Variants in IL1RAPL2 observed in about 807,000 individuals in gnomAD.
IL1RAPL2 encodes the protein interleukin 1 receptor accessory protein like 2.
IL1RAPL2 carries 3 observed loss-of-function variants against 44.1 expected under a neutral mutation model. The observed-to-expected ratio is 0.07, with a 90% confidence interval of 0.03 to 0.18. The LOEUF (loss-of-function observed/expected upper bound fraction) is 0.18. IL1RAPL2 is among the 10% of genes least tolerant of loss of function. The pLI is 1.00. For missense variants in IL1RAPL2, 391 were observed against 496.4 expected (o/e 0.79, Z 2.02); for synonymous variants, 181 against 178.8 (o/e 1.01, Z -0.10).
intron 2 of IL1RAPL2, among the ~76,000 whole-genome samples, chrX:104,758,202 A>G (rs1404834566): frequency 9.0e-6 from 1 of 111,699 alleles, no homozygotes; most frequent in Non-Finnish European, 1.9e-5. Flanking sequence ...TTTTCCCTGA[A>G]GGCCTTTTGC....
At chrX:104,653,042 C>T (rs1028350908) in intron 1 of IL1RAPL2, among the ~76,000 whole-genome samples, 1 of 110,492 alleles carries the variant, frequency 9.1e-6, no homozygotes, top group African/African-American at 3.3e-5. Flanking sequence ...TGTGTGTCTT[C>T]TCCTTGGTTG....
chrX:105,500,449 T>C (rs1319972663), intron 6 of IL1RAPL2, among the ~76,000 whole-genome samples: 1 of 111,369 alleles, frequency 9.0e-6, no homozygotes, highest in Non-Finnish European at 1.9e-5. Flanking sequence ...CTCTACCTTG[T>C]CTTATATAAT....
At chrX:105,641,312 T>C (rs1345276312) in intron 6 of IL1RAPL2, among the ~76,000 whole-genome samples, 2 of 111,467 alleles carry the variant, frequency 1.8e-5, no homozygotes. Context: ...CTCAGCAAAT[T>C]TTCTCTATGC....
chrX:105,218,881 C>G, intron 3 of IL1RAPL2: 1 of 899,160 alleles, frequency 1.1e-6, no homozygotes. Context: ...ACCACCCCGG[C>G]CCCCGCCACC....
intron 1 of IL1RAPL2, among the ~76,000 whole-genome samples, chrX:104,613,440 T>G (rs1419112897): frequency 2.7e-5 from 3 of 112,224 alleles, no homozygotes; most frequent in Admixed American, 9.5e-5. Context: ...GTTTTTGTTT[T>G]TAATTCTGTT....
At chrX:105,003,906 C>T in intron 2 of IL1RAPL2, among the ~76,000 whole-genome samples, 1 of 111,235 alleles carries the variant, frequency 9.0e-6, no homozygotes, top group Non-Finnish European at 1.9e-5. Flanking sequence ...TGCTATGTGC[C>T]AGACATCATT....
At chrX:105,145,952 C>A (rs1166139253) in intron 2 of IL1RAPL2, among the ~76,000 whole-genome samples, 1 of 110,790 alleles carries the variant, frequency 9.0e-6, no homozygotes, top group African/African-American at 3.3e-5. Flanking sequence ...GTGGAGCCCT[C>A]ATGAATGAGG....
chrX:104,765,180 C>CT (rs1307712239), intron 2 of IL1RAPL2, among the ~76,000 whole-genome samples: 2 of 111,079 alleles, frequency 1.8e-5, no homozygotes, highest in Non-Finnish European at 3.8e-5. Flanking sequence ...AGGTCCTGAG[C>CT]TTTTTTTGTT....
intron 5 of IL1RAPL2, among the ~76,000 whole-genome samples, chrX:105,308,498 AT>A (rs1388119810): frequency 8.9e-6 from 1 of 112,414 alleles, no homozygotes; most frequent in African/African-American, 3.2e-5. Context: ...CTCTTGTGTC[AT>A]TTCCAAGTCA....
intron 2 of IL1RAPL2, among the ~76,000 whole-genome samples, chrX:104,706,230 G>A (rs763569444): frequency 2.7e-5 from 3 of 110,896 alleles, no homozygotes; most frequent in South Asian, 3.8e-4. Flanking sequence ...AAAATAGAGG[G>A]TAAAATGTTC....
chrX:105,443,361 AC>A (rs2035933654), intron 5 of IL1RAPL2, among the ~76,000 whole-genome samples: 1 of 110,975 alleles, frequency 9.0e-6, no homozygotes, highest in African/African-American at 3.3e-5. Flanking sequence ...ATCCAGTTAT[AC>A]TTTTTTTAGT....
At chrX:105,045,914 T>C (rs1000529493) in intron 2 of IL1RAPL2, among the ~76,000 whole-genome samples, 1 of 111,177 alleles carries the variant, frequency 9.0e-6, no homozygotes, top group African/African-American at 3.3e-5. Context: ...AAAAAATTAA[T>C]CTTAAAAAAT....
chrX:104,916,373 CTG>C (rs1164160491), intron 2 of IL1RAPL2, among the ~76,000 whole-genome samples: 1 of 111,359 alleles, frequency 9.0e-6, no homozygotes, highest in African/African-American at 3.3e-5. Flanking sequence ...CTCTGTTTGT[CTG>C]TTATTGGTGT....
intron 4 of IL1RAPL2, among the ~76,000 whole-genome samples, chrX:105,266,272 C>T (rs1183092953): frequency 9.1e-6 from 1 of 110,462 alleles, no homozygotes; most frequent in Non-Finnish European, 1.9e-5. Context: ...AAACTCCTGA[C>T]CTCAAGTGAT....
At position 104,792,464 on chromosome X, in the gene IL1RAPL2, G is replaced by A. The variant is rs751974077; in HGVS notation, c.82+133469G>A. ...AGGTCAAATAAGTTTGGGAAATGCC[G>A]CCCTGTCTAAGGAAGCCACAATGTG... On this transcript the variant is annotated intron_variant, in intron 2 of 10. Coordinates refer to ENST00000372582, the MANE Select transcript of IL1RAPL2 (RefSeq NM_017416.2). 3.4e-3 allele frequency among the ~76,000 whole-genome samples: 380 copies of A among 111,017 alleles called. 2 individuals carry two copies. The highest frequency in any genetic ancestry group is 0.012 in the African/African-American group (353 of 30,523).
chrX:104,935,754 G>A (rs1296840478), intron 2 of IL1RAPL2, among the ~76,000 whole-genome samples: 2 of 111,586 alleles, frequency 1.8e-5, no homozygotes, highest in African/African-American at 3.3e-5. Context: ...GGCACAGAGT[G>A]GACTGGATAC....
chrX:105,024,869 T>A (rs190917295), intron 2 of IL1RAPL2, among the ~76,000 whole-genome samples: 1 of 111,319 alleles, frequency 9.0e-6, no homozygotes, highest in African/African-American at 3.2e-5. Context: ...CAACTTCTGA[T>A]GTATGAGTAC....
chrX:105,502,096 A>G (rs962174968), intron 6 of IL1RAPL2, among the ~76,000 whole-genome samples: 2 of 112,253 alleles, frequency 1.8e-5, no homozygotes, highest in African/African-American at 6.5e-5. Flanking sequence ...TCTAAAACAA[A>G]AGCATTCTAT....
At chrX:104,705,934 G>T (rs978714540) in intron 2 of IL1RAPL2, among the ~76,000 whole-genome samples, 2 of 111,903 alleles carry the variant, frequency 1.8e-5, no homozygotes, top group African/African-American at 6.5e-5. Flanking sequence ...TTAAGTAGGT[G>T]CTCAACAGAT....
Sources: gnomAD v4.1 joint callset for allele counts (sites outside exome capture counted in the v4.1 genomes callset) on GRCh38, gnomAD v4.1.1 for gene constraint, MANE v1.5 for transcripts, NCBI Gene and HGNC (gene_info 2026-07-23, HGNC 2026-07-21) for gene names.